Variants in NEURL4 observed in about 807,000 individuals in gnomAD.
The protein encoded by NEURL4 is neuralized-like protein 4.
In NEURL4, 45 loss-of-function variants were observed where a neutral mutation model predicts 148.0. The ratio of observed to expected loss-of-function variants is 0.30; its 90% CI spans 0.24 to 0.39. The LOEUF (loss-of-function observed/expected upper bound fraction) is 0.39. Among genes scored for constraint, NEURL4 ranks in the 10% least tolerant of loss-of-function variants. NEURL4 has a pLI of 1.00. For synonymous variants in NEURL4, 854 were observed against 869.0 expected (o/e 0.98, Z 0.30); for missense variants, 1,776 against 2,144.0 (o/e 0.83, Z 3.39).
intron 8 of NEURL4, 50 bp downstream of exon 8, chr17:7,325,159 C>CCCCCCCCCCCCCCCCCCCCCCT: frequency 1.2e-6 from 1 of 817,166 alleles, no homozygotes; most frequent in Non-Finnish European, 2.0e-6. Flanking sequence ...CGCCCCCCCC[C>CCCCCCCCCCCCCCCCCCCCCCT]CCCCATTAGA....
rs753110569 is a variant in NEURL4, at chr17:7,323,127, G to A, written c.2418-4C>T. The A allele has an allele frequency of 1.9e-6, 3 of 1,608,450 alleles. No homozygotes were observed. Among genetic ancestry groups the A allele is most frequent in the Non-Finnish European group, 2.6e-6 (3 of 1,175,850 alleles). ...GTCTTGCATGATGGCTGTACCACTGGGGGGATGGCAGAAGGGGTGAGTCAG... is the reference window on the plus strand; with the variant it reads ...GTCTTGCATGATGGCTGTACCACTGAGGGGATGGCAGAAGGGGTGAGTCAG... On this transcript the variant is annotated splice_polypyrimidine_tract_variant and splice_region_variant and intron_variant, in intron 14 of 28. Coordinates refer to ENST00000399464, the MANE Select transcript of NEURL4 (RefSeq NM_032442.3).
intron 28 of NEURL4, among the ~76,000 whole-genome samples, chr17:7,316,911 C>T (rs7221135): frequency 6.6e-5 from 10 of 151,106 alleles, no homozygotes; most frequent in African/African-American, 7.3e-5. Flanking sequence ...AGCAGGACTC[C>T]GTCTCAAAAA....
At position 7,319,150 on chromosome 17, in the gene NEURL4, G is replaced by A. The variant is rs780416411; in HGVS notation, c.3584C>T (p.Thr1195Ile). The stretch of plus-strand genomic sequence containing the variant: ...GAAGTTGAGCCTCTCAGGCGCGCAG[G>A]TGATGACTCCCAGGACAAGGGAAGA... ...WTSSLVLGVI[T>I]CAPERLNFPA... Residue 1195 changes from threonine to isoleucine, a missense_variant, in exon 22 of 29, where the codon ACC (threonine) becomes ATC (isoleucine). Physicochemically the swap from Thr to Ile is moderately conservative, Grantham distance 89. Transcript: ENST00000399464. The A allele has an allele frequency of 1.9e-6, 3 of 1,614,080 alleles. No homozygotes were observed. The highest frequency in any genetic ancestry group is 1.6e-4 in the Middle Eastern group (1 of 6,062).
chr17:7,319,248 G>C lies in NEURL4; in HGVS notation c.3526-40C>G, dbSNP rs558790774. ...ACTACTCCATAATCACAGCCTCCTGGGAAGAACCAGGCTCCGCACCCCAGC... is the reference window on the plus strand; with the variant it reads ...ACTACTCCATAATCACAGCCTCCTGCGAAGAACCAGGCTCCGCACCCCAGC... On this transcript the variant is annotated intron_variant, in intron 21 of 28. Transcript: ENST00000399464. The C allele has an allele frequency of 1.9e-6, 3 of 1,564,862 alleles. No homozygotes were observed. In the African/African-American group the frequency reaches 4.1e-5, roughly 21 times the overall value.
At position 7,326,977 on chromosome 17, in the gene NEURL4, T is replaced by TCAC. The variant is rs1180846343; in HGVS notation, c.823_825dup (p.Val275dup). 1 of 1,612,592 alleles carries TCAC rather than the reference T, an allele frequency of 6.2e-7. No individual in the cohort carries two copies. Among genetic ancestry groups the TCAC allele is most frequent in the Non-Finnish European group, 8.5e-7 (1 of 1,179,988 alleles). On this transcript the variant is annotated inframe_insertion, in exon 4 of 29. Coordinates refer to ENST00000399464, the MANE Select transcript of NEURL4 (RefSeq NM_032442.3). The surrounding 1 kb of genome is among the most constrained non-coding windows in gnomAD (Gnocchi z 6.0). ...TTGTAGGCAGACAGGATGGTGTTGC[T>TCAC]CACCACCTCAGACAGCTCCATGTTG...
rs899421824 is a variant in NEURL4, at chr17:7,327,294, G to T, written c.728-64C>A. On this transcript the variant is annotated intron_variant, in intron 2 of 28. Coordinates refer to ENST00000399464, the MANE Select transcript of NEURL4 (RefSeq NM_032442.3). This position sits in a 1 kb window ranked among gnomAD's most constrained non-coding sequence, Gnocchi z 6.6. ...GTCCCTGCTTCACGGCCCATAGCCAGGAGAACCCCCCATCCTCTAGCTCCT... is the reference window on the plus strand; with the variant it reads ...GTCCCTGCTTCACGGCCCATAGCCATGAGAACCCCCCATCCTCTAGCTCCT... 40 of 1,502,590 alleles carry T rather than the reference G, an allele frequency of 2.7e-5. No homozygotes were observed. The highest frequency in any genetic ancestry group is 4.4e-5 in the Admixed American group (2 of 45,940). The allele number at this position is 1,502,590 out of a possible 1,614,324, so 93.1% of individuals were successfully genotyped here.
chr17:7,329,138 G>A lies in NEURL4; in HGVS notation c.175C>T (p.Arg59Cys), dbSNP rs761783881. The change falls in exon 1 of 29, where the codon CGT becomes TGT. Residue 59 changes from arginine to cysteine, a missense_variant. By Grantham distance (180) the Arg-to-Cys change is radical. Coordinates refer to ENST00000399464, the MANE Select transcript of NEURL4 (RefSeq NM_032442.3). Reference sequence around the variant, plus strand: ...CCCGGCTGCTGCCGCCGCGCCGTACGCCCACAGGCCGACAGGCTCACCAAG... The same window carrying A: ...CCCGGCTGCTGCCGCCGCGCCGTACACCCACAGGCCGACAGGCTCACCAAG... ...GRLVSLSACG[R>C]TARRQQPGQE... 1.1e-5 allele frequency: 18 copies of A among 1,608,718 alleles called. No homozygotes were observed. In the South Asian group the frequency reaches 1.5e-4, roughly 14 times the overall value.
At chr17:7,325,843 G>A (rs2073097457) in intron 6 of NEURL4, 130 bp from the exon 7 acceptor site, 1 of 754,026 alleles carries the variant, frequency 1.3e-6, no homozygotes, top group African/African-American at 1.7e-5. Context: ...CTGGGTCCTT[G>A]TTTTCCAGAC....
chr17:7,317,378 G>A lies in NEURL4; in HGVS notation c.4319-8C>T. On this transcript the variant is annotated splice_region_variant and splice_polypyrimidine_tract_variant and intron_variant, in intron 27 of 28. Coordinates refer to ENST00000399464, the MANE Select transcript of NEURL4 (RefSeq NM_032442.3). ...TCAGGATGGAGGCAGTACCTGGGAG[G>A]AGAACTGGGTCAGGATAGCCCTTTT... 1 of 1,585,102 alleles carries A rather than the reference G, an allele frequency of 6.3e-7. No individual in the cohort carries two copies. The highest frequency in any genetic ancestry group is 8.6e-7 in the Non-Finnish European group (1 of 1,163,640).
Position 7,326,437 on chromosome 17 carries a change from C to G in NEURL4, c.1204G>C (p.Gly402Arg). 1 of 1,614,118 alleles carries G rather than the reference C, an allele frequency of 6.2e-7. No homozygotes were observed. Among genetic ancestry groups the G allele is most frequent in the Non-Finnish European group, 8.5e-7 (1 of 1,179,974 alleles). Residue 402 changes from glycine (G) to arginine (R), a missense_variant and splice_region_variant, in exon 5 of 29, where the codon GGC becomes CGC. Transcript: ENST00000399464. The surrounding 1 kb of genome is among the most constrained non-coding windows in gnomAD (Gnocchi z 6.0). ...CCCCGCCCCTGCCCGGGGCTGGTAC[C>G]TGACTGGAGGTTGGTCATGGTGGCT... The part of the protein sequence containing the change: ...YPATMTNLQS[G>R]TIMMSGCGIL...
intron 21 of NEURL4, 118 bp downstream of exon 21, chr17:7,320,641 G>A (rs2073019138): frequency 2.3e-6 from 2 of 866,322 alleles, no homozygotes; most frequent in Non-Finnish European, 1.8e-6. Context: ...AAAAGCCTAG[G>A]AAGCTCATCC....
Position 7,318,120 on chromosome 17 carries a change from C to T in NEURL4, c.4005G>A (p.Lys1335=). The T allele has an allele frequency of 6.2e-7, 1 of 1,614,186 alleles. No individual in the cohort carries two copies. The highest frequency in any genetic ancestry group is 8.5e-7 in the Non-Finnish European group (1 of 1,180,042). The change falls in exon 25 of 29, where the codon AAG becomes AAA. Residue 1335 remains lysine (K), a synonymous_variant. Coordinates refer to ENST00000399464, the MANE Select transcript of NEURL4 (RefSeq NM_032442.3). The surrounding 1 kb of genome is among the most constrained non-coding windows in gnomAD (Gnocchi z 4.3). Reference sequence around the variant, plus strand: ...AGCAAAGGGCATGGTACTCGCAGCTCTTTAGAGGACTAGCGGCAGGTGGTG... The same window carrying T: ...AGCAAAGGGCATGGTACTCGCAGCTTTTTAGAGGACTAGCGGCAGGTGGTG... ...WGPPPAASPL[K]SCEYHALCSR...
chr17:7,317,516 G>T lies in NEURL4; in HGVS notation c.4263C>A (p.His1421Gln). The T allele has an allele frequency of 6.2e-7, 1 of 1,614,148 alleles. No homozygotes were observed. The highest frequency in any genetic ancestry group is 8.5e-7 in the Non-Finnish European group (1 of 1,180,020). The change falls in exon 27 of 29, where the codon CAC becomes CAA. Residue 1421 changes from histidine to glutamine, a missense_variant. By Grantham distance (24) the His-to-Gln change is conservative. Coordinates refer to ENST00000399464, the MANE Select transcript of NEURL4 (RefSeq NM_032442.3). Reference sequence around the variant, plus strand: ...TCCGTACAGCGGCAACATTGCTCCCGTGATATGCCATGTGCCACTTCTTGG... The same window carrying T: ...TCCGTACAGCGGCAACATTGCTCCCTTGATATGCCATGTGCCACTTCTTGG... ...TLTKKWHMAY[H>Q]GSNVAAVRRV...
In NEURL4 at chr17:7,321,962, G is replaced by A. The variant is rs369371000; in HGVS notation, c.2774C>T (p.Thr925Ile). Residue 925 changes from threonine to isoleucine, a missense_variant, in exon 17 of 29, where the codon ACT (threonine) becomes ATT (isoleucine). Coordinates refer to ENST00000399464, the MANE Select transcript of NEURL4 (RefSeq NM_032442.3). The surrounding 1 kb of genome is among the most constrained non-coding windows in gnomAD (Gnocchi z 6.3). ...RFHSTCGKNVTLEEDGTRAVR... is the reference protein window; with the variant it reads ...RFHSTCGKNVILEEDGTRAVR... ...TGCCCTCGTGCCATCCTCCTCTAGAGTGACGTTCTTGCCGCAAGTACTGTG... is the reference window on the plus strand; with the variant it reads ...TGCCCTCGTGCCATCCTCCTCTAGAATGACGTTCTTGCCGCAAGTACTGTG... 32 of 1,613,382 alleles carry A rather than the reference G, an allele frequency of 2.0e-5. No individual in the cohort carries two copies. The highest frequency in any genetic ancestry group is 2.5e-5 in the Non-Finnish European group (30 of 1,179,966).
chr17:7,318,471 C>G lies in NEURL4; in HGVS notation c.3864+24G>C. ...CAGCGCAGACTCTCAGGCACCCCTC[C>G]TCCCTGCCCCCACTGCCACTAACCT... On this transcript the variant is annotated intron_variant, in intron 23 of 28. Transcript: ENST00000399464. The surrounding 1 kb of genome is among the most constrained non-coding windows in gnomAD (Gnocchi z 4.3). The G allele has an allele frequency of 6.2e-7, 1 of 1,600,756 alleles. No individual in the cohort carries two copies. The highest frequency in any genetic ancestry group is 8.5e-7 in the Non-Finnish European group (1 of 1,171,792).
Position 7,318,685 on chromosome 17 carries a change from A to G in NEURL4, c.3685-11T>C. Reference sequence around the variant, plus strand: ...AAACTTCTCGCAGATCTGGGAGGAGAGACCGGCTGTCTTCCAGAGGTCAGA... The same window carrying G: ...AAACTTCTCGCAGATCTGGGAGGAGGGACCGGCTGTCTTCCAGAGGTCAGA... On this transcript the variant is annotated splice_polypyrimidine_tract_variant and intron_variant, in intron 22 of 28. Transcript: ENST00000399464. This position sits in a 1 kb window ranked among gnomAD's most constrained non-coding sequence, Gnocchi z 4.3. 6.3e-7 allele frequency: 1 copy of G among 1,595,648 alleles called. No homozygotes were observed. The highest frequency in any genetic ancestry group is 1.7e-5 in the Admixed American group (1 of 57,586).
chr17:7,315,976 T>TGA lies in NEURL4; in HGVS notation c.*145_*146dup, dbSNP rs1195993039. The stretch of plus-strand genomic sequence containing the variant: ...AGCTGTGCCACTTGCCACCTACATC[T>TGA]GAGAGCCTGCCTACATGCTCCTGCG... On this transcript the variant is annotated 3_prime_UTR_variant, in exon 29 of 29. Transcript: ENST00000399464. The TGA allele has an allele frequency of 1.3e-5, 8 of 629,962 alleles. No homozygotes were observed. The highest frequency in any genetic ancestry group is 2.3e-5 in the Non-Finnish European group (8 of 346,496). The allele number at this position is 629,962 out of a possible 1,614,324, so 39.0% of individuals were successfully genotyped here. A position where few individuals can be genotyped will look rare whatever the true frequency, so the allele number is the denominator to read the frequency against.
In NEURL4 at chr17:7,324,865, T is replaced by C. The variant is rs776963958; in HGVS notation, c.1747A>G (p.Ile583Val). 2.2e-5 allele frequency: 36 copies of C among 1,614,010 alleles called. No individual in the cohort carries two copies. The highest frequency in any genetic ancestry group is 2.9e-5 in the Non-Finnish European group (34 of 1,180,016). Residue 583 changes from isoleucine (I) to valine (V), a missense_variant, in exon 9 of 29, where the codon ATT (isoleucine) becomes GTT (valine). Transcript: ENST00000399464. This position sits in a 1 kb window ranked among gnomAD's most constrained non-coding sequence, Gnocchi z 5.9. ...MVDKWAGSIE[I>V]GVTTHNPAYL... ...GCAGGGTTGTGGGTGGTGACACCAA[T>C]TTCAATGGAGCCAGCCCATTTGTCC... is the stretch of plus-strand genomic sequence containing the variant.
rs557641299 is a variant in NEURL4 at position 7,322,348 on chromosome 17, G to A, written c.2726-338C>T. ...ACATTTTGTATTTTTGGTACAGACG[G>A]GGTTTCGCCATGTTTCCCAGGCTGG... On this transcript the variant is annotated intron_variant, in intron 16 of 28. Transcript: ENST00000399464. This position sits in a 1 kb window ranked among gnomAD's most constrained non-coding sequence, Gnocchi z 5.5. 8.5e-5 allele frequency among the ~76,000 whole-genome samples: 13 copies of A among 152,250 alleles called. No homozygotes were observed. Among genetic ancestry groups the A allele is most frequent in the South Asian group, 4.1e-4 (2 of 4,828 alleles).
Sources: allele counts gnomAD v4.1 joint callset (sites outside exome capture counted in the v4.1 genomes callset), GRCh38; gene constraint gnomAD v4.1.1; non-coding constraint Gnocchi (gnomAD v3.1); transcripts MANE v1.5; gene names NCBI Gene and HGNC (gene_info 2026-07-23, HGNC 2026-07-21).